ITPR1: variants seen among roughly 807,000 people sequenced by gnomAD.
ITPR1 encodes inositol 1,4,5-trisphosphate receptor type 1.
Under a neutral mutation model 318.4 loss-of-function variants are expected in ITPR1, and 96 were observed. That is an observed-to-expected ratio of 0.30 (90% confidence interval 0.26 to 0.36). The LOEUF is 0.36. ITPR1 is among the 10% of genes least tolerant of loss of function. The probability of loss-of-function intolerance (pLI) is 1.00; values close to 1 mark genes in which losing one functional copy is unlikely to be tolerated. For synonymous variants in ITPR1, 1,312 were observed against 1,289.9 expected, an observed-to-expected ratio of 1.02 and a Z score of -0.37; for missense variants, 2,440 against 3,460.2, an observed-to-expected ratio of 0.71 and a Z score of 7.40.
In ITPR1 at chr3:4,517,139, A is replaced by G. The variant is rs73003292; in HGVS notation, c.92+556A>G. On this transcript the variant is annotated intron_variant, in intron 3 of 61. Coordinates refer to ENST00000649015, the MANE Select transcript of ITPR1 (RefSeq NM_001378452.1). ...CTTTTGTGCTTTTTTCCCAATCTTTATACAACTTTTAAGGGTATAAATATA... is the reference window on the plus strand; with the variant it reads ...CTTTTGTGCTTTTTTCCCAATCTTTGTACAACTTTTAAGGGTATAAATATA... Among the ~76,000 whole-genome samples, 1,330 of 152,280 alleles carry G rather than the reference A, an allele frequency of 8.7e-3. 9 individuals carry two copies. Among genetic ancestry groups the G allele is most frequent in the Middle Eastern group, 0.031 (9 of 294 alleles).
At chr3:4,807,438 G>T (rs1355608924) in intron 55 of ITPR1, among the ~76,000 whole-genome samples, 1 of 152,164 alleles carries the variant, frequency 6.6e-6, no homozygotes. Flanking sequence ...TTGTGCCACA[G>T]TTTCCTCATC....
chr3:4,773,288 C>G (rs1318976262), intron 46 of ITPR1, among the ~76,000 whole-genome samples: 2 of 152,148 alleles, frequency 1.3e-5, no homozygotes, highest in African/African-American at 4.8e-5. Flanking sequence ...TGGTGGGAGC[C>G]TGGAGGCCAG....
chr3:4,732,360 T>C (rs1189853459), intron 42 of ITPR1, among the ~76,000 whole-genome samples: 2 of 152,234 alleles, frequency 1.3e-5, no homozygotes, highest in Non-Finnish European at 2.9e-5. Context: ...CATTCATAAC[T>C]CTGCTTCAAC....
At chr3:4,662,042 A>T (rs747666803) in intron 14 of ITPR1, 40 bp from the exon 15 acceptor site, 2 of 1,575,608 alleles carry the variant, frequency 1.3e-6, no homozygotes, top group East Asian at 4.5e-5. Flanking sequence ...TATCCTTCCC[A>T]TCCAAGAGAT....
At chr3:4,572,393 C>A (rs1392519078) in intron 4 of ITPR1, among the ~76,000 whole-genome samples, 2 of 152,024 alleles carry the variant, frequency 1.3e-5, no homozygotes, top group Admixed American at 1.3e-4. Context: ...AATATTCATA[C>A]TTTAAAATTA....
At chr3:4,530,047 T>C (rs1046015038) in intron 4 of ITPR1, among the ~76,000 whole-genome samples, 4 of 152,202 alleles carry the variant, frequency 2.6e-5, no homozygotes, top group African/African-American at 9.7e-5. Context: ...CCTTGAAATA[T>C]TCTTTGACAA....
rs5846327 is a variant in ITPR1 at position 4,584,559 on chromosome 3, GTT to G, written c.164-43192_164-43191del. Among the ~76,000 whole-genome samples, 179 of 145,190 alleles carry G rather than the reference GTT, an allele frequency of 1.2e-3. 1 individual carries two copies. Among genetic ancestry groups the G allele is most frequent in the Middle Eastern group, 3.5e-3 (1 of 282 alleles). ...CTCTCTTTGCCCAGAGAGTTAGTGGGTTTTTTTTTTTTTGTGAAAGGAAGTTG... is the reference window on the plus strand; with the variant it reads ...CTCTCTTTGCCCAGAGAGTTAGTGGGTTTTTTTTTTTGTGAAAGGAAGTTG... On this transcript the variant is annotated intron_variant, in intron 4 of 61. Coordinates refer to ENST00000649015, the MANE Select transcript of ITPR1 (RefSeq NM_001378452.1).
intron 4 of ITPR1, among the ~76,000 whole-genome samples, chr3:4,584,513 G>A (rs6804671): frequency 0.55 from 83,870 of 151,328 alleles, 25,635 homozygotes; most frequent in Non-Finnish European, 0.71. Context: ...GAGGAAGTGA[G>A]GTTGATGTAA....
intron 13 of ITPR1, among the ~76,000 whole-genome samples, chr3:4,660,572 A>G (rs2093810623): frequency 6.6e-6 from 1 of 151,736 alleles, no homozygotes; most frequent in South Asian, 2.1e-4. Context: ...GTAAATACTC[A>G]TTTTTTTCCA....
At chr3:4,631,454 T>C (rs779947569) in intron 5 of ITPR1, among the ~76,000 whole-genome samples, 2 of 152,188 alleles carry the variant, frequency 1.3e-5, no homozygotes, top group Non-Finnish European at 2.9e-5. Flanking sequence ...TGTGAAGTGT[T>C]CTGTTGTGTT....
intron 4 of ITPR1, among the ~76,000 whole-genome samples, chr3:4,615,879 TG>T (rs2092369086): frequency 1.3e-5 from 2 of 152,216 alleles, no homozygotes; most frequent in Admixed American, 6.5e-5. Flanking sequence ...GGCAGCAGCC[TG>T]GGGTGTTGTC....
chr3:4,546,723 T>C (rs1301779177), intron 4 of ITPR1, among the ~76,000 whole-genome samples: 36 of 151,914 alleles, frequency 2.4e-4, no homozygotes, highest in Non-Finnish European at 5.9e-5. Flanking sequence ...ATGATTCAAA[T>C]TCAGTGACAT....
rs2051790730 is a variant in ITPR1 at position 4,846,515 on chromosome 3, A to AAAAGT, written c.*292_*296dup. The AAAAGT allele has an allele frequency of 4.1e-6, 1 of 241,094 alleles. No homozygotes were observed. The highest frequency in any genetic ancestry group is 8.0e-6 in the Non-Finnish European group (1 of 125,714). 14.9% of individuals were successfully genotyped at this position (241,094 alleles called of 1,614,324 possible). A position where few individuals can be genotyped will look rare whatever the true frequency, so the allele number is the denominator to read the frequency against. The stretch of plus-strand genomic sequence containing the variant: ...TGCACTTGAACCAGATTATAGATTT[A>AAAAGT]AAAGTATATGACATGTATTTTGTAT... On this transcript the variant is annotated 3_prime_UTR_variant, in exon 62 of 62. Coordinates refer to ENST00000649015, the MANE Select transcript of ITPR1 (RefSeq NM_001378452.1).
chr3:4,776,305 C>T (rs540263318), intron 47 of ITPR1, among the ~76,000 whole-genome samples: 5 of 152,230 alleles, frequency 3.3e-5, no homozygotes, highest in Middle Eastern at 3.4e-3. Context: ...CTTCTGACCT[C>T]GTGATCCACC....
intron 4 of ITPR1, among the ~76,000 whole-genome samples, chr3:4,535,692 G>A (rs1306829665): frequency 6.6e-6 from 1 of 151,782 alleles, no homozygotes; most frequent in Non-Finnish European, 1.5e-5. Flanking sequence ...TGATCCACCC[G>A]CCTCGGCCTC....
intron 4 of ITPR1, among the ~76,000 whole-genome samples, chr3:4,537,694 G>A (rs2084006843): frequency 6.6e-6 from 1 of 151,922 alleles, no homozygotes; most frequent in Non-Finnish European, 1.5e-5. Context: ...CATGAGCCAA[G>A]GAATGCAGGA....
chr3:4,845,378 T>C (rs549509032), intron 61 of ITPR1, among the ~76,000 whole-genome samples: 1 of 152,304 alleles, frequency 6.6e-6, no homozygotes, highest in Non-Finnish European at 1.5e-5. Context: ...TGCCCTAAAA[T>C]ACCTAGAACA....
intron 13 of ITPR1, among the ~76,000 whole-genome samples, chr3:4,659,115 C>T (rs1323802485): frequency 6.6e-6 from 1 of 152,150 alleles, no homozygotes; most frequent in Non-Finnish European, 1.5e-5. Flanking sequence ...TTCTGACTCT[C>T]CAATACCATG....
At chr3:4,699,790 T>G in intron 34 of ITPR1, 23 bp from the exon 35 acceptor site, 1 of 1,612,956 alleles carries the variant, frequency 6.2e-7, no homozygotes. Context: ...GTGTAATGCT[T>G]AACATACCCA....
Sources: allele counts gnomAD v4.1 joint callset (sites outside exome capture counted in the v4.1 genomes callset), GRCh38; gene constraint gnomAD v4.1.1; transcripts MANE v1.5; gene names NCBI Gene and HGNC (gene_info 2026-07-23, HGNC 2026-07-21).